ANO6: variants seen among roughly 807,000 people sequenced by gnomAD.
ANO6 encodes anoctamin 6, also known as anoctamin-6.
A neutral mutation model predicts 117.5 loss-of-function variants in ANO6; 106 were observed. That is an observed-to-expected ratio of 0.90 (90% CI 0.77 to 1.06). ANO6 has a LOEUF of 1.06. Ranked by LOEUF, ANO6 falls within the 50% of genes least tolerant of loss-of-function variation. The pLI, the probability that ANO6 is intolerant of heterozygous loss-of-function variation, is 0.00. For missense variants in ANO6, 955 were observed against 1,121.1 expected (o/e 0.85, Z 2.12); for synonymous variants, 367 against 385.1 (o/e 0.95, Z 0.55).
rs117471483 is a variant in ANO6, at chr12:45,265,083, C to T, written c.71-36931C>T. Among the ~76,000 whole-genome samples the T allele has an allele frequency of 1.1e-4, 17 of 152,244 alleles. No individual in the cohort carries two copies. The East Asian group carries it at 2.9e-3, about 26-fold the overall frequency. On this transcript the variant is annotated intron_variant, in intron 1 of 19. Transcript: ENST00000320560. The stretch of plus-strand genomic sequence containing the variant: ...TGGCAATTCCATTCTTAAATTAAGG[C>T]ATTGGCATTTTCATTATGAAAATGG...
chr12:45,396,728 A>G (rs1009162338), intron 12 of ANO6, among the ~76,000 whole-genome samples: 2 of 152,204 alleles, frequency 1.3e-5, no homozygotes, highest in Admixed American at 1.3e-4. Flanking sequence ...AAAACAAGCA[A>G]TGGGGAAAGG....
At chr12:45,243,138 G>A (rs11182937) in intron 1 of ANO6, among the ~76,000 whole-genome samples, 5,437 of 152,168 alleles carry the variant, frequency 0.036, 286 homozygotes, top group African/African-American at 0.12. Context: ...GCAATGTAGC[G>A]AGACCCAATC....
chr12:45,316,910 T>A (rs543396410), intron 2 of ANO6, among the ~76,000 whole-genome samples: 1 of 150,348 alleles, frequency 6.7e-6, no homozygotes, highest in African/African-American at 2.4e-5. Context: ...TTTTTTAATG[T>A]GGATATATCT....
chr12:45,363,820 T>A (rs1941617938), intron 8 of ANO6, among the ~76,000 whole-genome samples: 1 of 152,220 alleles, frequency 6.6e-6, no homozygotes, highest in Non-Finnish European at 1.5e-5. Flanking sequence ...TCTCATTCTT[T>A]CTTGCCTGCC....
chr12:45,371,884 A>G (rs1941850003), intron 9 of ANO6, among the ~76,000 whole-genome samples: 1 of 149,132 alleles, frequency 6.7e-6, no homozygotes, highest in Non-Finnish European at 1.5e-5. Flanking sequence ...GAGCTGAGAG[A>G]AGAAGGCTTC....
At chr12:45,368,310 G>T (rs568136365) in intron 9 of ANO6, among the ~76,000 whole-genome samples, 1 of 152,130 alleles carries the variant, frequency 6.6e-6, no homozygotes. Flanking sequence ...TACTCAACCT[G>T]TGTAAGTATT....
chr12:45,247,534 C>T (rs918059353), intron 1 of ANO6, among the ~76,000 whole-genome samples: 1 of 152,186 alleles, frequency 6.6e-6, no homozygotes, highest in Non-Finnish European at 1.5e-5. Context: ...GGTCAGTCTA[C>T]TATCTTAGTC....
intron 1 of ANO6, among the ~76,000 whole-genome samples, chr12:45,278,422 G>A (rs1356515221): frequency 2.0e-5 from 3 of 152,080 alleles, no homozygotes; most frequent in African/African-American, 7.2e-5. Context: ...TTTGGATATT[G>A]GCTATCCTGA....
chr12:45,237,271 T>C (rs1475286600), intron 1 of ANO6, among the ~76,000 whole-genome samples: 1 of 152,226 alleles, frequency 6.6e-6, no homozygotes, highest in East Asian at 1.9e-4. Context: ...TGCCATTGCT[T>C]CTGGTGTTTT....
chr12:45,400,836 T>C (rs997041860), intron 12 of ANO6, among the ~76,000 whole-genome samples: 7 of 152,212 alleles, frequency 4.6e-5, no homozygotes, highest in African/African-American at 1.7e-4. Context: ...CTGAAACTTT[T>C]CTGTCATCAC....
chr12:45,352,468 T>C (rs1941302788), intron 7 of ANO6, among the ~76,000 whole-genome samples: 1 of 150,114 alleles, frequency 6.7e-6, no homozygotes, highest in East Asian at 2.0e-4. Flanking sequence ...GACTCATTCC[T>C]CTAATCCCAG....
In ANO6 at chr12:45,431,798, G is replaced by A. The variant is rs1943638966; in HGVS notation, c.*2487G>A. The A allele has an allele frequency of 2.3e-5, 23 of 985,460 alleles. No homozygotes were observed. Among genetic ancestry groups the A allele is most frequent in the East Asian group, 1.1e-4 (1 of 8,812 alleles). 61.0% of individuals were successfully genotyped at this position (985,460 alleles called of 1,614,324 possible). Reference sequence around the variant, plus strand: ...GGGTGTGGCAGTGGACCTGTGAAGAGGGAGAATCTAGCCTTCAGCCTGTCC... The same window carrying A: ...GGGTGTGGCAGTGGACCTGTGAAGAAGGAGAATCTAGCCTTCAGCCTGTCC... On this transcript the variant is annotated 3_prime_UTR_variant, in exon 20 of 20. Coordinates refer to ENST00000320560, the MANE Select transcript of ANO6 (RefSeq NM_001025356.3).
chr12:45,370,032 C>G lies in ANO6; in HGVS notation c.1104+2239C>G, dbSNP rs569812438. 2.0e-5 allele frequency among the ~76,000 whole-genome samples: 3 copies of G among 152,310 alleles called. No homozygotes were observed. In the East Asian group the frequency reaches 5.8e-4, roughly 29 times the overall value. On this transcript the variant is annotated intron_variant, in intron 9 of 19. Coordinates refer to ENST00000320560, the MANE Select transcript of ANO6 (RefSeq NM_001025356.3). The stretch of plus-strand genomic sequence containing the variant: ...GGTTTCTCTGCTTAAAATCATCTTG[C>G]CTACATATGCAGCTCTTTCTTTTCT...
At chr12:45,302,200 C>A in intron 2 of ANO6, 107 bp downstream of exon 2, 2 of 974,470 alleles carry the variant, frequency 2.1e-6, no homozygotes, top group Non-Finnish European at 1.6e-6. Context: ...GGCTGTAGAT[C>A]CTACATAGAT....
chr12:45,264,518 C>T (rs2137219519), intron 1 of ANO6, among the ~76,000 whole-genome samples: 1 of 152,208 alleles, frequency 6.6e-6, no homozygotes, highest in African/African-American at 2.4e-5. Context: ...GTAATACACC[C>T]ACCATTGATA....
chr12:45,240,191 A>G (rs1389623060), intron 1 of ANO6, among the ~76,000 whole-genome samples: 1 of 151,900 alleles, frequency 6.6e-6, no homozygotes, highest in Non-Finnish European at 1.5e-5. Context: ...GACTTGCTTT[A>G]TGAATCTGGG....
chr12:45,432,373 C>T, downstream of ANO6: 1 of 758,694 alleles, frequency 1.3e-6, no homozygotes, highest in Non-Finnish European at 1.6e-6. Context: ...TCTATATTGT[C>T]TTAACGTTTT....
chr12:45,355,657 C>T (rs74080826), intron 7 of ANO6, among the ~76,000 whole-genome samples: 4,953 of 152,230 alleles, frequency 0.033, 247 homozygotes, highest in African/African-American at 0.11. Context: ...AGCAAAGCTC[C>T]GGTCACGTGA....
intron 15 of ANO6, among the ~76,000 whole-genome samples, chr12:45,405,712 C>A (rs1405887991): frequency 3.3e-5 from 5 of 152,146 alleles, no homozygotes; most frequent in Non-Finnish European, 7.4e-5. Context: ...GAGTTCGAGA[C>A]CAGCCTGACC....
Sources: gnomAD v4.1 joint callset for allele counts (sites outside exome capture counted in the v4.1 genomes callset) on GRCh38, gnomAD v4.1.1 for gene constraint, MANE v1.5 for transcripts, NCBI Gene and HGNC (gene_info 2026-07-23, HGNC 2026-07-21) for gene names.